ETNPPL: variants seen among roughly 807,000 people sequenced by gnomAD.
ETNPPL encodes the protein ethanolamine-phosphate phospho-lyase.
Under a neutral mutation model 55.5 loss-of-function variants are expected in ETNPPL, and 30 were observed. The observed-to-expected ratio is 0.54, with a 90% CI of 0.40 to 0.73. The LOEUF (loss-of-function observed/expected upper bound fraction) is 0.73. Among genes scored for constraint, ETNPPL ranks in the 30% least tolerant of loss-of-function variants. The pLI, the probability that ETNPPL is intolerant of heterozygous loss-of-function variation, is 0.00. For synonymous variants in ETNPPL, 202 were observed against 207.2 expected (o/e 0.98, Z 0.21); for missense variants, 528 against 607.9 (o/e 0.87, Z 1.38).
At chr4:108,751,806 A>G (rs1728924231) in intron 6 of ETNPPL, among the ~76,000 whole-genome samples, 1 of 152,256 alleles carries the variant, frequency 6.6e-6, no homozygotes, top group African/African-American at 2.4e-5. Context: ...AGCACATCTA[A>G]TATTCTGAAG....
chr4:108,748,282 TA>T lies in ETNPPL; in HGVS notation c.928-124del, dbSNP rs1370651476. The T allele has an allele frequency of 1.1e-4, 66 of 619,554 alleles. 1 individual carries two copies. Among genetic ancestry groups the T allele is most frequent in the African/African-American group, 9.9e-4 (52 of 52,740 alleles). 38.4% of individuals were successfully genotyped at this position (619,554 alleles called of 1,614,324 possible). On this transcript the variant is annotated intron_variant, in intron 8 of 12. Coordinates refer to ENST00000296486, the MANE Select transcript of ETNPPL (RefSeq NM_031279.4). ...ATATAATTTAAATAAAATGTTCTCT[TA>T]TAATATTAGTTTCTCATATTTAGAA...
Position 108,754,724 on chromosome 4 carries a change from GA to G in ETNPPL, c.411-15del, listed in dbSNP as rs767406209. ...CCATGGTAAGCACTGAAGAGACAAAGAAAAAAAAGCAGTAATCAAAATAATT... is the reference window on the plus strand; with the variant it reads ...CCATGGTAAGCACTGAAGAGACAAAGAAAAAAAGCAGTAATCAAAATAATT... On this transcript the variant is annotated splice_polypyrimidine_tract_variant and intron_variant, in intron 4 of 12. Transcript: ENST00000296486. 23 of 1,398,996 alleles carry G rather than the reference GA, an allele frequency of 1.6e-5. No homozygotes were observed. Among genetic ancestry groups the G allele is most frequent in the East Asian group, 9.3e-5 (4 of 43,174 alleles). The allele number at this position is 1,398,996 out of a possible 1,614,324, so 86.7% of individuals were successfully genotyped here.
chr4:108,743,544 C>G (rs1393233865), intron 12 of ETNPPL, among the ~76,000 whole-genome samples: 1 of 152,126 alleles, frequency 6.6e-6, no homozygotes, highest in Non-Finnish European at 1.5e-5. Context: ...TGCAGGCCCA[C>G]AAGGCTGTTT....
rs1728811542 is a variant in ETNPPL, at chr4:108,749,822, C to CT, written c.702-360dup. Among the ~76,000 whole-genome samples the CT allele has an allele frequency of 2.6e-5, 4 of 152,266 alleles. No individual in the cohort carries two copies. The South Asian group carries it at 8.3e-4, about 32-fold the overall frequency. On this transcript the variant is annotated intron_variant, in intron 7 of 12. Transcript: ENST00000296486. ...TCCTGGGCTCAAGCCATCCTCCCACCTCAGCCTCCCCAGTAGCTGGAACTA... is the reference window on the plus strand; with the variant it reads ...TCCTGGGCTCAAGCCATCCTCCCACCTTCAGCCTCCCCAGTAGCTGGAACTA...
At chr4:108,757,161 T>C (rs974787780) in intron 3 of ETNPPL, among the ~76,000 whole-genome samples, 1 of 152,172 alleles carries the variant, frequency 6.6e-6, no homozygotes, top group Non-Finnish European at 1.5e-5. Flanking sequence ...GCCAACCCTA[T>C]GTCATATTTA....
Position 108,759,400 on chromosome 4 carries a change from CAAAAAAAAAA to C in ETNPPL, c.335+339_335+348del, listed in dbSNP as rs59227589. Reference sequence around the variant, plus strand: ...TGAGCGACAGAGCAAGGCTCCATCTCAAAAAAAAAAAAAAAAAAAAAAAAGTTTTAGCTTG... The same window carrying C: ...TGAGCGACAGAGCAAGGCTCCATCTCAAAAAAAAAAAAAAGTTTTAGCTTG... On this transcript the variant is annotated intron_variant, in intron 3 of 12. Coordinates refer to ENST00000296486, the MANE Select transcript of ETNPPL (RefSeq NM_031279.4). 1.7e-4 allele frequency among the ~76,000 whole-genome samples: 12 copies of C among 70,286 alleles called. No individual in the cohort carries two copies. In the Admixed American group the frequency reaches 1.8e-3, roughly 11 times the overall value. The allele number at this position is 70,286 out of a possible 152,430, so 46.1% of individuals were successfully genotyped here.
chr4:108,756,700 C>CCTAT (rs1553934503), intron 3 of ETNPPL, among the ~76,000 whole-genome samples: 1 of 129,560 alleles, frequency 7.7e-6, no homozygotes, highest in Non-Finnish European at 1.5e-5. Flanking sequence ...GCAGCGTGCG[C>CCTAT]CTATAGTCTC....
rs1255068199 is a variant in ETNPPL, at chr4:108,756,446, C to T, written c.382G>A (p.Gly128Ser). Residue 128 changes from glycine to serine, a missense_variant, in exon 4 of 13, where the codon GGC becomes AGC. By Grantham distance (56) the Gly-to-Ser change is moderately conservative (BLOSUM62 0). Transcript: ENST00000296486. ...TCAAGAGTGATCACATCCTGGTGGC[C>T]TCTGAACTGCCGAGCCAGGCGTAAG... ...LALRLARQFRGHQDVITLDHA... is the reference protein window; with the variant it reads ...LALRLARQFRSHQDVITLDHA... 9 of 1,614,102 alleles carry T rather than the reference C, an allele frequency of 5.6e-6. No homozygotes were observed. The highest frequency in any genetic ancestry group is 7.6e-6 in the Non-Finnish European group (9 of 1,179,964).
Position 108,762,865 on chromosome 4 carries a change from C to T in ETNPPL, c.34G>A (p.Gly12Arg). 1 of 1,614,102 alleles carries T rather than the reference C, an allele frequency of 6.2e-7. No homozygotes were observed. The highest frequency in any genetic ancestry group is 8.5e-7 in the Non-Finnish European group (1 of 1,179,946). The change falls in exon 1 of 13, where the codon GGG (glycine) becomes AGG (arginine). Residue 12 changes from glycine (G) to arginine (R), a missense_variant. Physicochemically the swap from Gly to Arg is moderately radical, Grantham distance 125. Transcript: ENST00000296486. Reference sequence around the variant, plus strand: ...TACCCGATGTGCTTCTTCCTCAGCCCCAGAGTGTCCCGCTTACTGTACAGC... The same window carrying T: ...TACCCGATGTGCTTCTTCCTCAGCCTCAGAGTGTCCCGCTTACTGTACAGC... ...CELYSKRDTL[G>R]LRKKHIGPSC...
At chr4:108,743,693 TG>T (rs2125669005) in intron 12 of ETNPPL, 95 bp downstream of exon 12, 1 of 856,020 alleles carries the variant, frequency 1.2e-6, no homozygotes. Context: ...ATTGTTCTAA[TG>T]GTCACTGCAC....
At chr4:108,749,713 G>A (rs1222664432) in intron 7 of ETNPPL, among the ~76,000 whole-genome samples, 1 of 151,938 alleles carries the variant, frequency 6.6e-6, no homozygotes, top group Admixed American at 6.6e-5. Context: ...CTATATTGCA[G>A]TATTTTTTTT....
At chr4:108,753,764 GAAA>G (rs1729034134) in intron 5 of ETNPPL, among the ~76,000 whole-genome samples, 1 of 116,346 alleles carries the variant, frequency 8.6e-6, no homozygotes, top group Non-Finnish European at 1.7e-5. Flanking sequence ...AAGAAAGAAA[GAAA>G]GAAAGAAAGA....
At chr4:108,744,218 G>A (rs530895658) in intron 11 of ETNPPL, among the ~76,000 whole-genome samples, 73 of 151,630 alleles carry the variant, frequency 4.8e-4, no homozygotes, top group Admixed American at 4.5e-3. Context: ...CCGAGATCAC[G>A]CCACTGCACT....
At chr4:108,746,895 C>T in intron 9 of ETNPPL, 44 bp from the exon 10 acceptor site, 1 of 1,357,600 alleles carries the variant, frequency 7.4e-7, no homozygotes, top group Admixed American at 1.7e-5. Context: ...CTGTCCAACT[C>T]TTCACTGTCA....
intron 6 of ETNPPL, among the ~76,000 whole-genome samples, chr4:108,751,820 T>C (rs1043695365): frequency 1.3e-5 from 2 of 152,270 alleles, no homozygotes; most frequent in Admixed American, 1.3e-4. Context: ...TCTGAAGCAC[T>C]GATCTTATAT....
chr4:108,753,545 C>G (rs548038091), intron 5 of ETNPPL, among the ~76,000 whole-genome samples: 197 of 152,092 alleles, frequency 1.3e-3, no homozygotes, highest in African/African-American at 4.4e-3. Flanking sequence ...AGTTTGAGAC[C>G]AGCCTGGCCT....
Position 108,753,027 on chromosome 4 carries a change from A to G in ETNPPL, c.502-16T>C, listed in dbSNP as rs201996006. 355 of 1,430,572 alleles carry G rather than the reference A, an allele frequency of 2.5e-4. No individual in the cohort carries two copies. Among genetic ancestry groups the G allele is most frequent in the Non-Finnish European group, 3.2e-4 (325 of 1,028,392 alleles). 88.6% of individuals were successfully genotyped at this position (1,430,572 alleles called of 1,614,324 possible). A position where few individuals can be genotyped will look rare whatever the true frequency, so the allele number is the denominator to read the frequency against. ...GAGTTGGTGCCTGAAAACATCAAAT[A>G]ATGCAGTTGCTTGTAATTTGCCTTT... On this transcript the variant is annotated splice_polypyrimidine_tract_variant and intron_variant, in intron 5 of 12. Transcript: ENST00000296486.
intron 11 of ETNPPL, among the ~76,000 whole-genome samples, chr4:108,745,930 C>CA (rs5860940): frequency 0.024 from 1,686 of 69,740 alleles, 66 homozygotes; most frequent in East Asian, 0.04. Flanking sequence ...GACTCCATCT[C>CA]AAAAAAAAAA....
chr4:108,750,875 GCCCT>G, intron 7 of ETNPPL, 57 bp downstream of exon 7: 1 of 1,151,130 alleles, frequency 8.7e-7, no homozygotes, highest in East Asian at 2.4e-5. Flanking sequence ...AACTAGTATG[GCCCT>G]ACAGAATTGT....
Sources: gnomAD v4.1 joint callset for allele counts (sites outside exome capture counted in the v4.1 genomes callset) on GRCh38, gnomAD v4.1.1 for gene constraint, MANE v1.5 for transcripts, NCBI Gene and HGNC (gene_info 2026-07-23, HGNC 2026-07-21) for gene names.